The following PRKCE variants were observed in gnomAD, a reference collection of about 807,000 sequenced individuals.
PRKCE encodes protein kinase C epsilon type.
A neutral mutation model predicts 85.4 loss-of-function variants in PRKCE; 16 were observed. That is an observed-to-expected ratio of 0.19 (90% confidence interval 0.13 to 0.28). The LOEUF is 0.28. Among genes scored for constraint, PRKCE ranks in the 10% least tolerant of loss-of-function variants. The pLI, the probability that PRKCE is intolerant of heterozygous loss-of-function variation, is 1.00. For missense variants in PRKCE, 573 were observed against 975.2 expected (o/e 0.59, Z 5.49); for synonymous variants, 388 against 371.5 (o/e 1.04, Z -0.51).
intron 2 of PRKCE, among the ~76,000 whole-genome samples, chr2:45,885,789 A>G (rs1474822352): frequency 6.6e-6 from 1 of 152,238 alleles, no homozygotes; most frequent in Non-Finnish European, 1.5e-5. Context: ...ACAAATCCAC[A>G]AATTTGTGGG....
intron 2 of PRKCE, among the ~76,000 whole-genome samples, chr2:45,874,449 C>T (rs1694323585): frequency 6.6e-6 from 1 of 152,200 alleles, no homozygotes; most frequent in Non-Finnish European, 1.5e-5. Context: ...GAGTGAGCTG[C>T]CAGCTACCAA....
intron 1 of PRKCE, among the ~76,000 whole-genome samples, chr2:45,771,675 G>C (rs944119592): frequency 3.3e-5 from 5 of 151,770 alleles, no homozygotes; most frequent in African/African-American, 1.2e-4. Context: ...AGATACAGGG[G>C]ACGTGGAGTG....
intron 1 of PRKCE, chr2:45,677,095 A>C (rs1046571469): frequency 7.2e-5 from 11 of 152,080 alleles, no homozygotes; most frequent in African/African-American, 2.7e-4. Flanking sequence ...GAGACAGTTT[A>C]ATGTGACTAC....
At chr2:45,954,701 T>C (rs544130640) in intron 2 of PRKCE, among the ~76,000 whole-genome samples, 32 of 152,232 alleles carry the variant, frequency 2.1e-4, no homozygotes, top group Non-Finnish European at 4.0e-4. Flanking sequence ...AAAGGAATCT[T>C]ATACAAGGAA....
At chr2:45,997,840 C>T (rs1261570104) in intron 6 of PRKCE, among the ~76,000 whole-genome samples, 1 of 152,214 alleles carries the variant, frequency 6.6e-6, no homozygotes, top group Non-Finnish European at 1.5e-5. Flanking sequence ...AGCTTCCATA[C>T]CCGGCCGGTA....
At chr2:45,714,224 A>G (rs1422817857) in intron 1 of PRKCE, among the ~76,000 whole-genome samples, 1 of 152,224 alleles carries the variant, frequency 6.6e-6, no homozygotes, top group African/African-American at 2.4e-5. Flanking sequence ...AAGCCAATAC[A>G]TAAGAACACA....
chr2:45,948,571 C>T (rs1326208760), intron 2 of PRKCE, among the ~76,000 whole-genome samples: 2 of 152,102 alleles, frequency 1.3e-5, no homozygotes, highest in African/African-American at 4.8e-5. Flanking sequence ...CCCAGGAGCT[C>T]GAGGCTGCAA....
At chr2:45,753,669 AC>A (rs1683768980) in intron 1 of PRKCE, among the ~76,000 whole-genome samples, 1 of 152,074 alleles carries the variant, frequency 6.6e-6, no homozygotes, top group South Asian at 2.1e-4. Context: ...TTAAAAAAAA[AC>A]CTTTCTTATT....
At chr2:45,949,426 G>GTTTT (rs34381919) in intron 2 of PRKCE, among the ~76,000 whole-genome samples, 1 of 114,054 alleles carries the variant, frequency 8.8e-6, no homozygotes, top group Non-Finnish European at 1.8e-5. Context: ...TTTGATTGTT[G>GTTTT]TTTTTTTTTT....
intron 2 of PRKCE, among the ~76,000 whole-genome samples, chr2:45,924,766 A>G (rs1339505225): frequency 6.6e-6 from 1 of 152,252 alleles, no homozygotes; most frequent in African/African-American, 2.4e-5. Context: ...GTCTATACTT[A>G]GTGGCAGCAA....
intron 2 of PRKCE, among the ~76,000 whole-genome samples, chr2:45,856,682 G>A (rs562598064): frequency 2.3e-4 from 35 of 152,196 alleles, no homozygotes; most frequent in African/African-American, 3.6e-4. Context: ...TGTACCCATC[G>A]ACCAACTTCC....
chr2:45,982,594 C>G (rs1429565227), intron 5 of PRKCE, among the ~76,000 whole-genome samples: 1 of 152,136 alleles, frequency 6.6e-6, no homozygotes, highest in Non-Finnish European at 1.5e-5. Flanking sequence ...TTGTCTTCCT[C>G]TCCATGTTCT....
At chr2:46,141,434 A>G (rs536779703) in intron 11 of PRKCE, among the ~76,000 whole-genome samples, 1 of 152,336 alleles carries the variant, frequency 6.6e-6, no homozygotes, top group South Asian at 2.1e-4. Flanking sequence ...ATTTATATGT[A>G]AAGTATGATC....
chr2:45,868,842 C>T (rs953572685), intron 2 of PRKCE, among the ~76,000 whole-genome samples: 1 of 150,994 alleles, frequency 6.6e-6, no homozygotes, highest in Non-Finnish European at 1.5e-5. Context: ...CCTGTAATCC[C>T]AGCTACTTGG....
chr2:45,702,323 C>G (rs1030674219), intron 1 of PRKCE, among the ~76,000 whole-genome samples: 1 of 152,142 alleles, frequency 6.6e-6, no homozygotes, highest in Non-Finnish European at 1.5e-5. Flanking sequence ...TTGGGCAGCC[C>G]GGAATACTAG....
rs992916233 is a variant in PRKCE, at chr2:45,895,344, G to A, written c.412+52281G>A. On this transcript the variant is annotated intron_variant, in intron 2 of 14. Coordinates refer to ENST00000306156, the MANE Select transcript of PRKCE (RefSeq NM_005400.3). This position sits in a 1 kb window ranked among gnomAD's most constrained non-coding sequence, Gnocchi z 4.8. ...CTTATATGGACTTAAGGGAGTTTCAGTCGGGGAAGAAAGTGGGACTTTTTC... is the reference window on the plus strand; with the variant it reads ...CTTATATGGACTTAAGGGAGTTTCAATCGGGGAAGAAAGTGGGACTTTTTC... Among the ~76,000 whole-genome samples, 3 of 152,156 alleles carry A rather than the reference G, an allele frequency of 2.0e-5. No individual in the cohort carries two copies. Among genetic ancestry groups the A allele is most frequent in the African/African-American group, 7.2e-5 (3 of 41,432 alleles).
At chr2:45,789,421 G>A (rs1686862705) in intron 1 of PRKCE, among the ~76,000 whole-genome samples, 1 of 152,200 alleles carries the variant, frequency 6.6e-6, no homozygotes, top group South Asian at 2.1e-4. Flanking sequence ...TAGGACCATA[G>A]TGAGACCTTG....
chr2:45,754,277 A>G (rs2104770782), intron 1 of PRKCE, among the ~76,000 whole-genome samples: 1 of 152,320 alleles, frequency 6.6e-6, no homozygotes, highest in East Asian at 1.9e-4. Context: ...TCATCTGAAG[A>G]GGCAAGGAGG....
chr2:46,040,296 G>A (rs1267168902), intron 10 of PRKCE, among the ~76,000 whole-genome samples: 3 of 152,184 alleles, frequency 2.0e-5, no homozygotes, highest in Non-Finnish European at 4.4e-5. Flanking sequence ...CACAAAAGAG[G>A]AGACGAGTGG....
Sources: allele counts gnomAD v4.1 joint callset (sites outside exome capture counted in the v4.1 genomes callset), GRCh38; gene constraint gnomAD v4.1.1; non-coding constraint Gnocchi (gnomAD v3.1); transcripts MANE v1.5; gene names NCBI Gene and HGNC (gene_info 2026-07-23, HGNC 2026-07-21).